Variants in PDE4D observed in about 807,000 individuals in gnomAD.
PDE4D encodes phosphodiesterase 4D.
A neutral mutation model predicts 87.4 loss-of-function variants in PDE4D; 24 were observed. That is an observed-to-expected ratio of 0.27 (90% CI 0.20 to 0.39). PDE4D has a LOEUF of 0.39. PDE4D is among the 10% of genes least tolerant of loss of function. PDE4D has a pLI of 1.00. For synonymous variants in PDE4D, 384 were observed against 383.2 expected (o/e 1.00, Z -0.02); for missense variants, 714 against 1,041.0 (o/e 0.69, Z 4.32).
chr5:59,859,325 A>G (rs1259034422), intron 1 of PDE4D, among the ~76,000 whole-genome samples: 1 of 152,142 alleles, frequency 6.6e-6, no homozygotes, highest in African/African-American at 2.4e-5. Context: ...TTGATGTAAA[A>G]ATAGGCAGTG....
At chr5:59,446,385 A>G (rs937577825) in intron 1 of PDE4D, among the ~76,000 whole-genome samples, 2 of 152,210 alleles carry the variant, frequency 1.3e-5, no homozygotes, top group African/African-American at 4.8e-5. Context: ...TTAGGATTAA[A>G]GACATTTTTG....
At chr5:59,469,845 C>G (rs554430714) in intron 1 of PDE4D, among the ~76,000 whole-genome samples, 6 of 152,180 alleles carry the variant, frequency 3.9e-5, no homozygotes, top group Non-Finnish European at 1.5e-5. Context: ...GCTGGCTGGG[C>G]AAACCAACGC....
At chr5:59,794,457 C>A (rs1766220190) in intron 1 of PDE4D, among the ~76,000 whole-genome samples, 1 of 152,054 alleles carries the variant, frequency 6.6e-6, no homozygotes, top group Non-Finnish European at 1.5e-5. Flanking sequence ...TGCTTCCCGG[C>A]AGCCTGCGAG....
At chr5:59,218,404 T>A (rs1210074069) in intron 1 of PDE4D, among the ~76,000 whole-genome samples, 1 of 152,120 alleles carries the variant, frequency 6.6e-6, no homozygotes, top group Non-Finnish European at 1.5e-5. Flanking sequence ...AAGCAAGTCT[T>A]AACACTCCAC....
At chr5:59,838,045 C>T (rs1214752824) in intron 1 of PDE4D, among the ~76,000 whole-genome samples, 1 of 151,884 alleles carries the variant, frequency 6.6e-6, no homozygotes, top group South Asian at 2.1e-4. Context: ...AGTTAGAATG[C>T]TAGAATAATG....
intron 11 of PDE4D, among the ~76,000 whole-genome samples, chr5:58,980,432 G>A (rs185271512): frequency 4.6e-5 from 7 of 152,156 alleles, no homozygotes; most frequent in Non-Finnish European, 8.8e-5. Flanking sequence ...ACATGAACCA[G>A]GAAATCAACA....
At chr5:59,408,603 A>G (rs6891589) in intron 1 of PDE4D, among the ~76,000 whole-genome samples, 26,184 of 152,094 alleles carry the variant, frequency 0.17, 3,045 homozygotes, top group African/African-American at 0.32. Flanking sequence ...CTTGCATCCT[A>G]TACCTGGGAA....
chr5:60,420,894 G>A (rs1257094275), intron 1 of PDE4D, among the ~76,000 whole-genome samples: 2 of 152,240 alleles, frequency 1.3e-5, no homozygotes, highest in South Asian at 2.1e-4. Context: ...CCTGTGCCTG[G>A]CTTAGCAGGT....
intron 2 of PDE4D, among the ~76,000 whole-genome samples, chr5:60,000,988 C>G (rs990472868): frequency 5.3e-5 from 8 of 152,100 alleles, no homozygotes; most frequent in African/African-American, 1.9e-4. Flanking sequence ...TGCTCCATTC[C>G]CACTTAGACT....
intron 1 of PDE4D, among the ~76,000 whole-genome samples, chr5:60,440,106 C>A (rs754940634): frequency 5.3e-5 from 8 of 151,940 alleles, no homozygotes; most frequent in Admixed American, 2.6e-4. Flanking sequence ...AGAGTCTTTG[C>A]GAGGTAACAG....
intron 1 of PDE4D, among the ~76,000 whole-genome samples, chr5:59,736,890 T>A (rs188652746): frequency 1.1e-4 from 16 of 152,280 alleles, no homozygotes; most frequent in African/African-American, 3.8e-4. Flanking sequence ...GTTTTAAAAT[T>A]TTCTTCTTTG....
chr5:59,373,719 A>G (rs1241456197), intron 1 of PDE4D, among the ~76,000 whole-genome samples: 2 of 152,214 alleles, frequency 1.3e-5, no homozygotes, highest in Non-Finnish European at 2.9e-5. Context: ...GTCATCCCCA[A>G]GACACACAAT....
intron 1 of PDE4D, among the ~76,000 whole-genome samples, chr5:59,803,798 T>G (rs1767430806): frequency 6.6e-6 from 1 of 152,216 alleles, no homozygotes; most frequent in African/African-American, 2.4e-5. Context: ...CAAGGTCACG[T>G]GGGCTAGGAA....
In PDE4D at chr5:59,392,503, C is replaced by CTATATATATCTATATCTATATA. The variant is rs1554154414; in HGVS notation, c.456-176536_456-176535insTATATAGATATAGATATATATA. ...ACCCTTTATATATATGTGTGTGTGT[C>CTATATATATCTATATCTATATA]TATATATATATATATATATATTCCA... On this transcript the variant is annotated intron_variant, in intron 1 of 14. Coordinates refer to ENST00000340635, the MANE Select transcript of PDE4D (RefSeq NM_001104631.2). Among the ~76,000 whole-genome samples the CTATATATATCTATATCTATATA allele has an allele frequency of 3.6e-5, 5 of 139,344 alleles. No homozygotes were observed. The East Asian group carries it at 8.8e-4, about 25-fold the overall frequency. 91.4% of individuals were successfully genotyped at this position (139,344 alleles called of 152,430 possible).
At chr5:60,186,702 A>T (rs898972576) in intron 1 of PDE4D, among the ~76,000 whole-genome samples, 1 of 152,178 alleles carries the variant, frequency 6.6e-6, no homozygotes, top group Admixed American at 6.5e-5. Context: ...CTCAAAAAAC[A>T]TGTGTCTGAG....
chr5:59,532,279 C>T (rs1450613140), intron 1 of PDE4D, among the ~76,000 whole-genome samples: 1 of 152,066 alleles, frequency 6.6e-6, no homozygotes, highest in Non-Finnish European at 1.5e-5. Flanking sequence ...GGATTACAGG[C>T]ACCTGCCACC....
intron 6 of PDE4D, among the ~76,000 whole-genome samples, chr5:58,995,826 C>T (rs1580171994): frequency 6.6e-6 from 1 of 152,136 alleles, no homozygotes; most frequent in East Asian, 1.9e-4. Flanking sequence ...CTCAAAAGCA[C>T]AGCTAAAATG....
intron 1 of PDE4D, among the ~76,000 whole-genome samples, chr5:59,566,177 G>A (rs1048249449): frequency 6.6e-6 from 1 of 152,074 alleles, no homozygotes; most frequent in Non-Finnish European, 1.5e-5. Context: ...GACTTTAGAG[G>A]AAACACAGAT....
chr5:59,918,479 G>A (rs1754312106), intron 3 of PDE4D, among the ~76,000 whole-genome samples: 1 of 152,082 alleles, frequency 6.6e-6, no homozygotes, highest in Non-Finnish European at 1.5e-5. Flanking sequence ...AATATGGGCA[G>A]GAACTTTAAG....
Sources: gnomAD v4.1 joint callset for allele counts (sites outside exome capture counted in the v4.1 genomes callset) on GRCh38, gnomAD v4.1.1 for gene constraint, MANE v1.5 for transcripts, NCBI Gene and HGNC (gene_info 2026-07-23, HGNC 2026-07-21) for gene names.